PDPR: variants seen among roughly 807,000 people sequenced by gnomAD.
PDPR encodes pyruvate dehydrogenase phosphatase regulatory subunit, mitochondrial.
PDPR carries 50 observed loss-of-function variants against 102.2 expected under a neutral mutation model. The observed-to-expected ratio is 0.49, with a 90% CI of 0.39 to 0.62. The LOEUF is 0.62. Among genes scored for constraint, PDPR ranks in the 20% least tolerant of loss-of-function variants. The probability of loss-of-function intolerance (pLI) is 0.00; values close to 1 mark genes in which losing one functional copy is unlikely to be tolerated. For synonymous variants in PDPR, 259 were observed against 406.0 expected (o/e 0.64, Z 4.35); for missense variants, 625 against 1,098.2 (o/e 0.57, Z 6.09).
chr16:70,119,334 A>G (rs1280656996), intron 2 of PDPR, among the ~76,000 whole-genome samples: 1 of 149,876 alleles, frequency 6.7e-6, no homozygotes, highest in Non-Finnish European at 1.5e-5. Flanking sequence ...ACATCCCCCA[A>G]CCCCCCACCG....
At chr16:70,131,031 G>A (rs551800618) in intron 7 of PDPR, among the ~76,000 whole-genome samples, 80 of 152,342 alleles carry the variant, frequency 5.3e-4, no homozygotes, top group African/African-American at 1.7e-3. Context: ...GAGCCCAGGC[G>A]TTTTATCAAA....
At chr16:70,122,724 C>T (rs1207153345) in intron 3 of PDPR, among the ~76,000 whole-genome samples, 3 of 152,402 alleles carry the variant, frequency 2.0e-5, no homozygotes, top group Admixed American at 2.0e-4. Context: ...AGTCAGCCAC[C>T]ACCGTGATGG....
At chr16:70,162,782 G>C (rs1161735084), downstream of PDPR, among the ~76,000 whole-genome samples, 1 of 152,268 alleles carries the variant, frequency 6.6e-6, no homozygotes, top group Non-Finnish European at 1.5e-5. Flanking sequence ...GCTGACCTCA[G>C]GAGGAACCTG....
chr16:70,153,174 G>A (rs1047786609), intron 17 of PDPR, among the ~76,000 whole-genome samples: 11 of 152,402 alleles, frequency 7.2e-5, no homozygotes, highest in Middle Eastern at 3.4e-3. Context: ...GAAAAGACAT[G>A]GATCCTGTTG....
In PDPR at chr16:70,157,360, G is replaced by T. The variant is rs1352184695; in HGVS notation, c.*481G>T. ...CCCTGAGGGGCAGCTCGTGCCTGCA[G>T]CCCGGCAGCTCGTTCTCCTGTTCTG... On this transcript the variant is annotated 3_prime_UTR_variant, in exon 19 of 19. Coordinates refer to ENST00000288050, the MANE Select transcript of PDPR (RefSeq NM_017990.5). The T allele has an allele frequency of 1.1e-5, 4 of 372,068 alleles. No individual in the cohort carries two copies. The highest frequency in any genetic ancestry group is 2.1e-5 in the Non-Finnish European group (4 of 189,870). 23.0% of individuals were successfully genotyped at this position (372,068 alleles called of 1,614,324 possible).
At chr16:70,123,786 C>G (rs1330587349) in intron 3 of PDPR, among the ~76,000 whole-genome samples, 1 of 152,254 alleles carries the variant, frequency 6.6e-6, no homozygotes, top group African/African-American at 2.4e-5. Context: ...GGCACGATCG[C>G]TCACACCTGT....
intron 2 of PDPR, among the ~76,000 whole-genome samples, chr16:70,115,228 A>C (rs1020964297): frequency 6.6e-6 from 1 of 151,794 alleles, no homozygotes; most frequent in South Asian, 2.1e-4. Context: ...GGTTCAAGCA[A>C]TTCTCCTGCC....
intron 18 of PDPR, among the ~76,000 whole-genome samples, chr16:70,155,823 A>G (rs1418604255): frequency 7.9e-6 from 1 of 127,362 alleles, no homozygotes; most frequent in Non-Finnish European, 1.5e-5. Flanking sequence ...TTTTTTTGAG[A>G]CAGAGTTTTG....
At chr16:70,115,383 A>G (rs559827951) in intron 2 of PDPR, among the ~76,000 whole-genome samples, 85 of 152,270 alleles carry the variant, frequency 5.6e-4, no homozygotes, top group African/African-American at 1.8e-3. Context: ...CAGCCTCCCA[A>G]AGTGCTGGGA....
At position 70,132,301 on chromosome 16, in the gene PDPR, G is replaced by T; in HGVS notation, c.997+1G>T. 6.2e-7 allele frequency: 1 copy of T among 1,612,568 alleles called. No individual in the cohort carries two copies. The highest frequency in any genetic ancestry group is 8.5e-7 in the Non-Finnish European group (1 of 1,178,690). On this transcript the variant is annotated splice_donor_variant, in intron 9 of 18. Transcript: ENST00000288050. LOFTEE classifies it high-confidence loss of function. ...CTACAGGAAGACTGGGATCACTTTG[G>T]TATGTGAACTGCATTATAACCGTAG...
intron 3 of PDPR, among the ~76,000 whole-genome samples, chr16:70,124,184 GA>G (rs1483306354): frequency 1.3e-5 from 2 of 152,258 alleles, no homozygotes; most frequent in Non-Finnish European, 2.9e-5. Context: ...CCAACATGGG[GA>G]AACCCCGTCT....
At position 70,161,885 on chromosome 16, in the gene PDPR, T is replaced by C. The variant is rs1967824201; in HGVS notation, c.*5006T>C. The C allele has an allele frequency of 6.6e-6, 1 of 152,388 alleles. No individual in the cohort carries two copies. The highest frequency in any genetic ancestry group is 1.5e-5 in the Non-Finnish European group (1 of 68,084). The allele number at this position is 152,388 out of a possible 1,614,324, so 9.4% of individuals were successfully genotyped here. A position where few individuals can be genotyped will look rare whatever the true frequency, so the allele number is the denominator to read the frequency against. ...TTGCAGACCATCTTCTGCCTTCTTA[T>C]TTTCCTGTCTGTCAAAGACAGAAAT... On this transcript the variant is annotated 3_prime_UTR_variant, in exon 19 of 19. Transcript: ENST00000288050.
intron 3 of PDPR, among the ~76,000 whole-genome samples, chr16:70,124,270 G>A (rs1963686035): frequency 6.6e-6 from 1 of 152,236 alleles, no homozygotes; most frequent in Admixed American, 6.5e-5. Flanking sequence ...GGCTGAGGCA[G>A]GAGAATTGCT....
intron 7 of PDPR, among the ~76,000 whole-genome samples, chr16:70,130,810 C>A (rs1964466126): frequency 6.6e-6 from 1 of 152,288 alleles, no homozygotes; most frequent in African/African-American, 2.4e-5. Context: ...ATCCTTGGCA[C>A]TGGGTCTTGA....
chr16:70,162,992 C>A (rs1278538635), downstream of PDPR, among the ~76,000 whole-genome samples: 1 of 152,260 alleles, frequency 6.6e-6, no homozygotes, highest in Non-Finnish European at 1.5e-5. Flanking sequence ...GCTCTTTTGC[C>A]CAGGCTGGAG....
rs750367178 is a variant in PDPR at position 70,145,641 on chromosome 16, G to A, written c.1868-493G>A. ...CTCCTGGATTGGGATACTACAGAAT[G>A]TTACTGAACAAAAGTCATGTTCTAG... On this transcript the variant is annotated intron_variant, in intron 15 of 18. Coordinates refer to ENST00000288050, the MANE Select transcript of PDPR (RefSeq NM_017990.5). The A allele has an allele frequency of 8.2e-4, 370 of 450,418 alleles. 1 individual carries two copies. The highest frequency in any genetic ancestry group is 1.1e-3 in the Non-Finnish European group (253 of 226,334). The allele number at this position is 450,418 out of a possible 1,614,324, so 27.9% of individuals were successfully genotyped here.
Position 70,153,374 on chromosome 16 carries a change from TC to T in PDPR, c.2053-16del. ...CTGAAGGTCTGCTGCTTATGAACTT[TC>T]TGTCTCTTCCTATAGTACGCCCTGC... On this transcript the variant is annotated splice_polypyrimidine_tract_variant and intron_variant, in intron 17 of 18. Transcript: ENST00000288050. 6.2e-7 allele frequency: 1 copy of T among 1,606,068 alleles called. No homozygotes were observed. Among genetic ancestry groups the T allele is most frequent in the Middle Eastern group, 1.7e-4 (1 of 6,020 alleles).
chr16:70,151,706 T>C (rs2152118060), intron 17 of PDPR, among the ~76,000 whole-genome samples: 1 of 152,416 alleles, frequency 6.6e-6, no homozygotes, highest in Admixed American at 6.5e-5. Context: ...TTCCCTGGGC[T>C]GTTCCCATTC....
chr16:70,116,741 C>T (rs949713794), intron 2 of PDPR, among the ~76,000 whole-genome samples: 1 of 152,106 alleles, frequency 6.6e-6, no homozygotes, highest in Non-Finnish European at 1.5e-5. Flanking sequence ...GGGGTTTCAC[C>T]ATGTTTGCCA....
Sources: gnomAD v4.1 joint callset for allele counts (sites outside exome capture counted in the v4.1 genomes callset) on GRCh38, gnomAD v4.1.1 for gene constraint, MANE v1.5 for transcripts, NCBI Gene and HGNC (gene_info 2026-07-23, HGNC 2026-07-21) for gene names.